AMPH: variants seen among roughly 807,000 people sequenced by gnomAD.
AMPH encodes amphiphysin (Stiff-Mann syndrome with breast cancer 128kD autoantigen).
Under a neutral mutation model 99.1 loss-of-function variants are expected in AMPH, and 49 were observed. The ratio of observed to expected loss-of-function variants is 0.49; its 90% confidence interval spans 0.39 to 0.63. The LOEUF is 0.63. Among genes scored for constraint, AMPH ranks in the 20% least tolerant of loss-of-function variants. The probability of loss-of-function intolerance (pLI) is 0.00; values close to 1 mark genes in which losing one functional copy is unlikely to be tolerated. For synonymous variants in AMPH, 314 were observed against 317.3 expected (o/e 0.99, Z 0.11); for missense variants, 759 against 863.4 (o/e 0.88, Z 1.52).
intron 11 of AMPH, among the ~76,000 whole-genome samples, chr7:38,445,515 T>C (rs1167901797): frequency 6.6e-6 from 1 of 152,114 alleles, no homozygotes; most frequent in Non-Finnish European, 1.5e-5. Flanking sequence ...GCAAATCTTA[T>C]CTAATGAGGG....
intron 2 of AMPH, among the ~76,000 whole-genome samples, chr7:38,503,924 G>T (rs368074611): frequency 6.6e-6 from 1 of 152,178 alleles, no homozygotes; most frequent in East Asian, 1.9e-4. Context: ...GCAAGATTTT[G>T]CTAATAGATA....
At chr7:38,423,517 T>A (rs1182611898) in intron 15 of AMPH, among the ~76,000 whole-genome samples, 1 of 152,124 alleles carries the variant, frequency 6.6e-6, no homozygotes, top group South Asian at 2.1e-4. Context: ...TGTTACCTCC[T>A]GAATCCAAAC....
At chr7:38,611,058 A>C (rs1399601687) in intron 1 of AMPH, among the ~76,000 whole-genome samples, 1 of 152,266 alleles carries the variant, frequency 6.6e-6, no homozygotes, top group African/African-American at 2.4e-5. Context: ...CAAGAGGTGT[A>C]AACAAACCAG....
Position 38,391,897 on chromosome 7 carries a change from G to T in AMPH, c.1729C>A (p.Pro577Thr). The T allele has an allele frequency of 6.2e-7, 1 of 1,612,744 alleles. No homozygotes were observed. The change falls in exon 19 of 21, where the codon CCC (proline) becomes ACC (threonine). Residue 577 changes from proline (P) to threonine (T), a missense_variant. Transcript: ENST00000356264. ...ETTEDAAPPG[P>T]TSETPELATE... is the part of the protein sequence containing the mutation. ...GCCAGCTCCGGTGTCTCGCTGGTGG[G>T]GCCCGGAGGAGCCGCGTCCTCGGTG...
intron 1 of AMPH, among the ~76,000 whole-genome samples, chr7:38,536,582 T>C (rs1162532405): frequency 2.0e-5 from 3 of 152,234 alleles, no homozygotes; most frequent in African/African-American, 4.8e-5. Flanking sequence ...AATAAAGATA[T>C]ATGTTTTAAA....
chr7:38,435,729 A>T (rs1786232897), intron 12 of AMPH, among the ~76,000 whole-genome samples: 1 of 151,770 alleles, frequency 6.6e-6, no homozygotes, highest in Admixed American at 6.6e-5. Context: ...AAGCAAGGCG[A>T]CTCTCCATCA....
At chr7:38,438,495 CA>C (rs1786377921) in intron 11 of AMPH, among the ~76,000 whole-genome samples, 1 of 151,346 alleles carries the variant, frequency 6.6e-6, no homozygotes, top group Non-Finnish European at 1.5e-5. Context: ...TTAGGAACCC[CA>C]AAAATCTGCA....
intron 7 of AMPH, among the ~76,000 whole-genome samples, chr7:38,474,199 C>T (rs1391084954): frequency 6.6e-6 from 1 of 151,278 alleles, no homozygotes; most frequent in Non-Finnish European, 1.5e-5. Context: ...CTGTAGGTAA[C>T]AATTGCAAAG....
chr7:38,580,437 C>G (rs1792404010), intron 1 of AMPH, among the ~76,000 whole-genome samples: 1 of 152,116 alleles, frequency 6.6e-6, no homozygotes. Flanking sequence ...AACTTCACCT[C>G]TTTTTGCACA....
At chr7:38,522,223 G>A (rs576564709) in intron 2 of AMPH, among the ~76,000 whole-genome samples, 77 of 152,256 alleles carry the variant, frequency 5.1e-4, no homozygotes, top group African/African-American at 1.8e-3. Flanking sequence ...CAAACTGCTC[G>A]CTAAGTTAAT....
intron 1 of AMPH, among the ~76,000 whole-genome samples, chr7:38,562,902 T>A (rs1007700143): frequency 2.0e-4 from 31 of 152,208 alleles, no homozygotes; most frequent in Non-Finnish European, 2.9e-5. Context: ...TAGTCTCAGA[T>A]ACAGCTTACC....
chr7:38,486,216 T>C (rs779723281), intron 5 of AMPH, among the ~76,000 whole-genome samples: 2 of 150,058 alleles, frequency 1.3e-5, no homozygotes, highest in Non-Finnish European at 3.0e-5. Flanking sequence ...CTAAATAAGA[T>C]AGAAGACTCA....
At chr7:38,460,554 A>G (rs1199810242) in intron 11 of AMPH, among the ~76,000 whole-genome samples, 1 of 152,214 alleles carries the variant, frequency 6.6e-6, no homozygotes, top group African/African-American at 2.4e-5. Flanking sequence ...TTGCAATAAC[A>G]TGGATGGAGC....
At chr7:38,410,518 G>C (rs375654579) in intron 17 of AMPH, among the ~76,000 whole-genome samples, 1 of 152,190 alleles carries the variant, frequency 6.6e-6, no homozygotes, top group Non-Finnish European at 1.5e-5. Flanking sequence ...ATGTCATCCC[G>C]ATGGCCTAGC....
chr7:38,630,749 T>C (rs1794424697), intron 1 of AMPH, among the ~76,000 whole-genome samples: 1 of 152,216 alleles, frequency 6.6e-6, no homozygotes, highest in African/African-American at 2.4e-5. Flanking sequence ...TCCTGGGAGA[T>C]TTTTGGTGGC....
intron 17 of AMPH, among the ~76,000 whole-genome samples, chr7:38,400,827 C>A (rs941524708): frequency 6.6e-6 from 1 of 152,174 alleles, no homozygotes; most frequent in African/African-American, 2.4e-5. Context: ...ATTGAAGATA[C>A]TTTCATTATC....
chr7:38,458,809 A>G (rs1291250639), intron 11 of AMPH, among the ~76,000 whole-genome samples: 1 of 152,184 alleles, frequency 6.6e-6, no homozygotes, highest in East Asian at 1.9e-4. Flanking sequence ...ATAAGGAACA[A>G]GATAAGGATG....
At chr7:38,544,205 A>T (rs923046603) in intron 1 of AMPH, among the ~76,000 whole-genome samples, 6 of 152,204 alleles carry the variant, frequency 3.9e-5, no homozygotes, top group African/African-American at 1.4e-4. Flanking sequence ...ATATGACATC[A>T]TCTCCCTCCC....
chr7:38,598,029 G>A (rs1212265000), intron 1 of AMPH, among the ~76,000 whole-genome samples: 2 of 152,072 alleles, frequency 1.3e-5, no homozygotes, highest in Non-Finnish European at 1.5e-5. Flanking sequence ...ATAAAGCTGG[G>A]GTCATTTTTT....
Sources: gnomAD v4.1 joint callset for allele counts (sites outside exome capture counted in the v4.1 genomes callset) on GRCh38, gnomAD v4.1.1 for gene constraint, MANE v1.5 for transcripts, NCBI Gene and HGNC (gene_info 2026-07-23, HGNC 2026-07-21) for gene names.